Variants in NCAM2 observed in about 807,000 individuals in gnomAD.
NCAM2 encodes neural cell adhesion molecule 2.
NCAM2 carries 30 observed loss-of-function variants against 98.1 expected under a neutral mutation model. The observed-to-expected ratio is 0.31, with a 90% confidence interval of 0.23 to 0.41. NCAM2 has a LOEUF of 0.41. NCAM2 is among the 10% of genes least tolerant of loss of function. The pLI, the probability that NCAM2 is intolerant of heterozygous loss-of-function variation, is 1.00. For missense variants in NCAM2, 867 were observed against 1,005.8 expected, an observed-to-expected ratio of 0.86 and a Z score of 1.87; for synonymous variants, 368 against 342.4, an observed-to-expected ratio of 1.07 and a Z score of -0.83.
At chr21:21,398,494 G>C (rs987348658) in intron 9 of NCAM2, among the ~76,000 whole-genome samples, 10 of 152,196 alleles carry the variant, frequency 6.6e-5, no homozygotes, top group African/African-American at 2.4e-4. Flanking sequence ...AAGCACAAAA[G>C]AGTTCGGGAT....
chr21:21,207,494 A>AG (rs368522201), intron 1 of NCAM2, among the ~76,000 whole-genome samples: 152,268 of 152,268 alleles, frequency 1, 76,134 homozygotes, highest in Non-Finnish European at 1. Flanking sequence ...TAACACAGAG[A>AG]AACAAAACAG....
chr21:21,522,564 G>T (rs1989080871), intron 16 of NCAM2, among the ~76,000 whole-genome samples: 1 of 150,200 alleles, frequency 6.7e-6, no homozygotes, highest in African/African-American at 2.4e-5. Context: ...AAAATAGAGG[G>T]TATTTTTTGC....
chr21:21,174,843 G>T (rs960215713), intron 1 of NCAM2, among the ~76,000 whole-genome samples: 1 of 151,874 alleles, frequency 6.6e-6, no homozygotes, highest in African/African-American at 2.4e-5. Context: ...TAACTGAGAG[G>T]ATATGTTTTG....
chr21:21,422,098 G>T (rs1197573804), intron 11 of NCAM2, among the ~76,000 whole-genome samples: 1 of 152,150 alleles, frequency 6.6e-6, no homozygotes, highest in Non-Finnish European at 1.5e-5. Context: ...CAGGGGTCCA[G>T]TGTTGAGTGT....
At chr21:21,431,787 A>T (rs1457641094) in intron 11 of NCAM2, among the ~76,000 whole-genome samples, 1 of 151,994 alleles carries the variant, frequency 6.6e-6, no homozygotes, top group African/African-American at 2.4e-5. Context: ...TTTTTCTTAA[A>T]CACACACGAG....
chr21:21,286,292 G>A lies in NCAM2; in HGVS notation c.361G>A (p.Val121Ile). 1.2e-6 allele frequency: 2 copies of A among 1,608,686 alleles called. No individual in the cohort carries two copies. Among genetic ancestry groups the A allele is most frequent in the South Asian group, 1.1e-5 (1 of 90,568 alleles). The change falls in exon 4 of 18, where the codon GTA becomes ATA. Residue 121 changes from valine to isoleucine, a missense_variant. By Grantham distance (29) the Val-to-Ile change is conservative (BLOSUM62 3). Coordinates refer to ENST00000400546, the MANE Select transcript of NCAM2 (RefSeq NM_004540.5). Reference protein sequence around the residue: ...IYQKLTFREVVSPQEFKQGED... With the variant: ...IYQKLTFREVISPQEFKQGED... ...AGAAAAACTCACTTTCAGAGAAGTGGTATCTCCACAAGAATTCAAACAAGG... is the reference window on the plus strand; with the variant it reads ...AGAAAAACTCACTTTCAGAGAAGTGATATCTCCACAAGAATTCAAACAAGG...
intron 1 of NCAM2, among the ~76,000 whole-genome samples, chr21:21,122,714 T>G (rs1312604319): frequency 1.3e-5 from 2 of 152,172 alleles, no homozygotes; most frequent in African/African-American, 4.8e-5. Context: ...TGTTTTTATA[T>G]CCAAGGCAGG....
chr21:21,183,065 T>C (rs1381524458), intron 1 of NCAM2, among the ~76,000 whole-genome samples: 1 of 152,186 alleles, frequency 6.6e-6, no homozygotes, highest in Non-Finnish European at 1.5e-5. Context: ...GATAGACTTG[T>C]TGCTAAAATA....
chr21:21,348,102 G>A (rs942496093), intron 8 of NCAM2, among the ~76,000 whole-genome samples: 12 of 151,926 alleles, frequency 7.9e-5, no homozygotes. Flanking sequence ...AATAATCAAA[G>A]TACCAACTAG....
chr21:21,164,709 T>C (rs2067896986), intron 1 of NCAM2, among the ~76,000 whole-genome samples: 1 of 152,226 alleles, frequency 6.6e-6, no homozygotes, highest in South Asian at 2.1e-4. Flanking sequence ...ACTTCCATGC[T>C]TGTTATTTAT....
chr21:21,195,918 T>C (rs946428895), intron 1 of NCAM2, among the ~76,000 whole-genome samples: 4 of 152,212 alleles, frequency 2.6e-5, no homozygotes, highest in African/African-American at 9.6e-5. Flanking sequence ...TCATATGTAC[T>C]TATAATGAGG....
intron 8 of NCAM2, among the ~76,000 whole-genome samples, chr21:21,351,859 G>A (rs908814464): frequency 3.3e-5 from 5 of 151,882 alleles, no homozygotes; most frequent in African/African-American, 1.2e-4. Context: ...TGATTCTCCC[G>A]CCTCAGCCTC....
At chr21:21,176,305 A>T (rs1601572463) in intron 1 of NCAM2, among the ~76,000 whole-genome samples, 1 of 152,170 alleles carries the variant, frequency 6.6e-6, no homozygotes, top group African/African-American at 2.4e-5. Context: ...TTGGACCAAA[A>T]GTATCATCAG....
intron 1 of NCAM2, among the ~76,000 whole-genome samples, chr21:21,106,030 C>T (rs2066337622): frequency 6.6e-6 from 1 of 151,866 alleles, no homozygotes; most frequent in Non-Finnish European, 1.5e-5. Flanking sequence ...TGTTATATTT[C>T]ATGGTATGTG....
chr21:21,286,746 A>G (rs1311186054), intron 4 of NCAM2, among the ~76,000 whole-genome samples: 1 of 151,912 alleles, frequency 6.6e-6, no homozygotes, highest in East Asian at 1.9e-4. Context: ...TAGCCTAAAA[A>G]AAATACAATC....
intron 16 of NCAM2, among the ~76,000 whole-genome samples, chr21:21,534,213 T>C (rs1989862402): frequency 6.6e-6 from 1 of 152,058 alleles, no homozygotes; most frequent in South Asian, 2.1e-4. Context: ...TGCTGTACAT[T>C]TTATTAACAA....
At chr21:21,115,933 C>CT (rs2066544143) in intron 1 of NCAM2, among the ~76,000 whole-genome samples, 1 of 148,950 alleles carries the variant, frequency 6.7e-6, no homozygotes, top group African/African-American at 2.5e-5. Flanking sequence ...GAGTTCAGGG[C>CT]TTCAGGTCCG....
intron 1 of NCAM2, among the ~76,000 whole-genome samples, chr21:21,148,247 C>T (rs2067344978): frequency 6.6e-6 from 1 of 152,152 alleles, no homozygotes; most frequent in Admixed American, 6.5e-5. Flanking sequence ...CAAGTTAACA[C>T]ATAAAATTAA....
chr21:21,532,219 TG>T (rs1288733750), intron 16 of NCAM2, among the ~76,000 whole-genome samples: 1 of 151,910 alleles, frequency 6.6e-6, no homozygotes, highest in African/African-American at 2.4e-5. Flanking sequence ...GTATGCAGCA[TG>T]AAAAAATAAA....
Sources: gnomAD v4.1 joint callset for allele counts (sites outside exome capture counted in the v4.1 genomes callset) on GRCh38, gnomAD v4.1.1 for gene constraint, MANE v1.5 for transcripts, NCBI Gene and HGNC (gene_info 2026-07-23, HGNC 2026-07-21) for gene names.